Variants in PTPRD observed in about 807,000 individuals in gnomAD.
PTPRD encodes receptor-type tyrosine-protein phosphatase delta.
A neutral mutation model predicts 214.5 loss-of-function variants in PTPRD; 34 were observed. The ratio of observed to expected loss-of-function variants is 0.16; its 90% CI spans 0.12 to 0.21. The LOEUF is 0.21. Ranked by LOEUF, PTPRD falls within the 10% of genes least tolerant of loss-of-function variation. The probability of loss-of-function intolerance (pLI) is 1.00; values close to 1 mark genes in which losing one functional copy is unlikely to be tolerated. For missense variants in PTPRD, 2,545 were observed against 2,398.7 expected (o/e 1.06, Z -1.27); for synonymous variants, 1,128 against 845.7 (o/e 1.33, Z -5.79).
At chr9:10,579,865 G>A (rs1024583558) in intron 2 of PTPRD, among the ~76,000 whole-genome samples, 1 of 152,048 alleles carries the variant, frequency 6.6e-6, no homozygotes, top group African/African-American at 2.4e-5. Flanking sequence ...ACAACATTAA[G>A]CATTTTTTCA....
chr9:10,016,945 G>A (rs1450078059), intron 4 of PTPRD, among the ~76,000 whole-genome samples: 2 of 152,166 alleles, frequency 1.3e-5, no homozygotes, highest in African/African-American at 4.8e-5. Context: ...GATTACAGGA[G>A]TGAGCCATTG....
At chr9:9,708,423 G>T (rs546316245) in intron 7 of PTPRD, among the ~76,000 whole-genome samples, 42 of 152,084 alleles carry the variant, frequency 2.8e-4, no homozygotes, top group Admixed American at 5.9e-4. Context: ...TTAAATTTCA[G>T]CCATGTCTCC....
At chr9:9,790,982 T>A (rs973544162) in intron 5 of PTPRD, among the ~76,000 whole-genome samples, 1 of 152,180 alleles carries the variant, frequency 6.6e-6, no homozygotes, top group Non-Finnish European at 1.5e-5. Flanking sequence ...GTACATATCA[T>A]AAATATATAT....
chr9:10,347,232 A>G (rs951346321), intron 2 of PTPRD, among the ~76,000 whole-genome samples: 40 of 151,922 alleles, frequency 2.6e-4, no homozygotes, highest in African/African-American at 9.7e-4. Context: ...TCCTGCCTCT[A>G]TGAGCATATT....
At chr9:9,877,867 G>A (rs905866122) in intron 5 of PTPRD, among the ~76,000 whole-genome samples, 5 of 151,714 alleles carry the variant, frequency 3.3e-5, no homozygotes, top group African/African-American at 7.3e-5. Context: ...TGGCTACTTG[G>A]GAGGCTGAGG....
At chr9:10,457,861 C>T (rs114649438) in intron 2 of PTPRD, among the ~76,000 whole-genome samples, 1,827 of 151,898 alleles carry the variant, frequency 0.012, 33 homozygotes, top group African/African-American at 0.04. Context: ...ACTAACTAAA[C>T]AAATAGAGAT....
chr9:9,623,978 G>A (rs2095333616), intron 7 of PTPRD, among the ~76,000 whole-genome samples: 1 of 152,066 alleles, frequency 6.6e-6, no homozygotes, highest in South Asian at 2.1e-4. Flanking sequence ...AGTTTTGTGG[G>A]TCTGGAAACT....
chr9:8,764,669 C>T (rs2094596938), intron 11 of PTPRD, among the ~76,000 whole-genome samples: 1 of 151,954 alleles, frequency 6.6e-6, no homozygotes, highest in Non-Finnish European at 1.5e-5. Context: ...GTGGTGCGTG[C>T]CTGTAATCCC....
At chr9:9,626,835 G>C (rs945740163) in intron 7 of PTPRD, among the ~76,000 whole-genome samples, 7 of 152,124 alleles carry the variant, frequency 4.6e-5, no homozygotes, top group Non-Finnish European at 1.0e-4. Context: ...CTCCAAATCT[G>C]TTTTTCTCAC....
At position 8,595,029 on chromosome 9, in the gene PTPRD, AT is replaced by A. The variant is rs560487553; in HGVS notation, c.352+38287del. Among the ~76,000 whole-genome samples, 85 of 151,158 alleles carry A rather than the reference AT, an allele frequency of 5.6e-4. 1 individual carries two copies. Among genetic ancestry groups the A allele is most frequent in the African/African-American group, 2.0e-3 (82 of 41,212 alleles). ...AGGCCCCCACCATCATGCCCAGCTAATTTTTTTGTATTTTTAGTAGAGACGT... is the reference window on the plus strand; with the variant it reads ...AGGCCCCCACCATCATGCCCAGCTAATTTTTTGTATTTTTAGTAGAGACGT... On this transcript the variant is annotated intron_variant, in intron 14 of 45. Coordinates refer to ENST00000381196, the MANE Select transcript of PTPRD (RefSeq NM_002839.4).
chr9:8,556,128 A>G (rs963796304), intron 14 of PTPRD, among the ~76,000 whole-genome samples: 1 of 152,236 alleles, frequency 6.6e-6, no homozygotes, highest in Non-Finnish European at 1.5e-5. Flanking sequence ...GACTTCTGTC[A>G]TTCTTACACT....
intron 21 of PTPRD, among the ~76,000 whole-genome samples, chr9:8,515,305 G>C (rs1307599608): frequency 1.3e-5 from 2 of 152,138 alleles, no homozygotes; most frequent in African/African-American, 2.4e-5. Flanking sequence ...TACATGCAAA[G>C]TTCATAGTAT....
At chr9:8,799,190 T>C (rs1403917776) in intron 11 of PTPRD, among the ~76,000 whole-genome samples, 1 of 152,222 alleles carries the variant, frequency 6.6e-6, no homozygotes, top group Non-Finnish European at 1.5e-5. Flanking sequence ...TAAATGCATG[T>C]ATTTATTTAC....
At chr9:9,264,991 G>T (rs1455686908) in intron 9 of PTPRD, among the ~76,000 whole-genome samples, 2 of 151,218 alleles carry the variant, frequency 1.3e-5, no homozygotes, top group African/African-American at 4.8e-5. Context: ...ACAAATAAAA[G>T]CTAAGGGTGT....
intron 7 of PTPRD, among the ~76,000 whole-genome samples, chr9:9,612,999 C>G (rs1203487217): frequency 6.6e-6 from 1 of 151,482 alleles, no homozygotes; most frequent in Admixed American, 6.6e-5. Context: ...TATGAAGCCA[C>G]TGCTGATATT....
chr9:9,323,072 T>C (rs559527139), intron 9 of PTPRD, among the ~76,000 whole-genome samples: 1 of 152,046 alleles, frequency 6.6e-6, no homozygotes, highest in African/African-American at 2.4e-5. Flanking sequence ...AACATTAGGG[T>C]ATTTTGAATA....
chr9:10,445,909 T>C (rs1461447903), intron 2 of PTPRD, among the ~76,000 whole-genome samples: 2 of 152,196 alleles, frequency 1.3e-5, no homozygotes, highest in African/African-American at 2.4e-5. Flanking sequence ...GAATAAGTGG[T>C]AGGAGTTTGG....
chr9:10,494,213 T>C (rs925579914), intron 2 of PTPRD, among the ~76,000 whole-genome samples: 2 of 151,934 alleles, frequency 1.3e-5, no homozygotes, highest in Admixed American at 1.3e-4. Flanking sequence ...AAAGATAGTT[T>C]AAAAGTAAAT....
intron 7 of PTPRD, among the ~76,000 whole-genome samples, chr9:9,670,544 T>G (rs2096808204): frequency 6.6e-6 from 1 of 152,120 alleles, no homozygotes; most frequent in South Asian, 2.1e-4. Flanking sequence ...ATATTAGAGG[T>G]CTTCATGGCA....
Sources: allele counts gnomAD v4.1 joint callset (sites outside exome capture counted in the v4.1 genomes callset), GRCh38; gene constraint gnomAD v4.1.1; transcripts MANE v1.5; gene names NCBI Gene and HGNC (gene_info 2026-07-23, HGNC 2026-07-21).